The following NEGR1 variants were observed in gnomAD, a reference collection of about 807,000 sequenced individuals.
The protein encoded by NEGR1 is IgLON family member 4.
In NEGR1, 10 loss-of-function variants were observed where a neutral mutation model predicts 40.9. The ratio of observed to expected loss-of-function variants is 0.24; its 90% CI spans 0.15 to 0.42. The LOEUF is 0.42. Ranked by LOEUF, NEGR1 falls within the 10% of genes least tolerant of loss-of-function variation. NEGR1 has a pLI of 1.00. For synonymous variants in NEGR1, 185 were observed against 166.8 expected, an observed-to-expected ratio of 1.11 and a Z score of -0.84; for missense variants, 352 against 438.9, an observed-to-expected ratio of 0.80 and a Z score of 1.77.
intron 2 of NEGR1, among the ~76,000 whole-genome samples, chr1:71,857,993 G>C (rs1275856454): frequency 6.6e-6 from 1 of 151,896 alleles, no homozygotes; most frequent in Non-Finnish European, 1.5e-5. Flanking sequence ...AATTTGGCAG[G>C]CTTCACTTTT....
At chr1:72,232,055 T>C (rs1480467550) in intron 1 of NEGR1, among the ~76,000 whole-genome samples, 2 of 152,036 alleles carry the variant, frequency 1.3e-5, no homozygotes, top group Non-Finnish European at 2.9e-5. Context: ...CTTGGAATCT[T>C]TATTTTAAGA....
At chr1:72,213,474 A>T (rs1303994468) in intron 1 of NEGR1, among the ~76,000 whole-genome samples, 1 of 152,008 alleles carries the variant, frequency 6.6e-6, no homozygotes, top group Non-Finnish European at 1.5e-5. Context: ...ACATTCATCC[A>T]GGTAATTTAT....
intron 6 of NEGR1, among the ~76,000 whole-genome samples, chr1:71,418,075 CTT>C (rs34107424): frequency 1.4e-5 from 2 of 140,488 alleles, no homozygotes; most frequent in African/African-American, 2.6e-5. Context: ...CCAGGGTACA[CTT>C]TTTTTTTTTT....
At chr1:71,552,580 T>A (rs970238677) in intron 6 of NEGR1, among the ~76,000 whole-genome samples, 4 of 148,406 alleles carry the variant, frequency 2.7e-5, no homozygotes, top group African/African-American at 9.8e-5. Flanking sequence ...ATTCTCTGTA[T>A]ATATAGAATA....
chr1:72,113,116 T>C (rs891178709), intron 1 of NEGR1, among the ~76,000 whole-genome samples: 4 of 151,740 alleles, frequency 2.6e-5, no homozygotes, highest in East Asian at 1.9e-4. Flanking sequence ...ACCTGACACA[T>C]AGAAGCACAG....
At chr1:71,861,458 C>A (rs1160787676) in intron 2 of NEGR1, among the ~76,000 whole-genome samples, 2 of 151,952 alleles carry the variant, frequency 1.3e-5, no homozygotes, top group African/African-American at 2.4e-5. Flanking sequence ...ATATGCACTG[C>A]AAACAACTAA....
chr1:71,917,300 C>T (rs1278744955), intron 2 of NEGR1, among the ~76,000 whole-genome samples: 2 of 152,112 alleles, frequency 1.3e-5, no homozygotes, highest in Admixed American at 1.3e-4. Flanking sequence ...CTGACCTCTT[C>T]ATTTATCTTG....
chr1:71,564,442 C>T (rs997675615), intron 6 of NEGR1, among the ~76,000 whole-genome samples: 1 of 152,046 alleles, frequency 6.6e-6, no homozygotes, highest in African/African-American at 2.4e-5. Context: ...TCTTTTCTTA[C>T]ATTTATTTTT....
intron 1 of NEGR1, among the ~76,000 whole-genome samples, chr1:72,107,766 C>T (rs778142909): frequency 2.1e-4 from 31 of 150,750 alleles, no homozygotes; most frequent in Non-Finnish European, 3.0e-4. Context: ...GTACACCATA[C>T]GTACATCCAC....
At chr1:71,551,577 A>C (rs992512137) in intron 6 of NEGR1, among the ~76,000 whole-genome samples, 1 of 151,666 alleles carries the variant, frequency 6.6e-6, no homozygotes, top group African/African-American at 2.4e-5. Flanking sequence ...AGACAGCTAT[A>C]CAATGAAAAA....
chr1:71,668,446 C>T (rs893541472), intron 4 of NEGR1, among the ~76,000 whole-genome samples: 3 of 152,060 alleles, frequency 2.0e-5, no homozygotes, highest in Non-Finnish European at 4.4e-5. Context: ...GATGAGCAAA[C>T]AGGAGAATTA....
At chr1:72,239,392 C>A (rs1202313041) in intron 1 of NEGR1, among the ~76,000 whole-genome samples, 2 of 151,722 alleles carry the variant, frequency 1.3e-5, no homozygotes, top group Non-Finnish European at 2.9e-5. Context: ...AACCACTGTG[C>A]TGATTTTGTT....
chr1:71,450,361 G>C (rs1170183908), intron 6 of NEGR1, among the ~76,000 whole-genome samples: 1 of 150,864 alleles, frequency 6.6e-6, no homozygotes, highest in Non-Finnish European at 1.5e-5. Flanking sequence ...GCACAGCAAT[G>C]TGCAGTATTA....
intron 4 of NEGR1, among the ~76,000 whole-genome samples, chr1:71,669,472 A>C (rs1170322160): frequency 1.3e-5 from 2 of 151,718 alleles, no homozygotes; most frequent in Non-Finnish European, 2.9e-5. Context: ...TAACTTTTTT[A>C]GTTTAGAATA....
Position 71,822,357 on chromosome 1 carries a change from A to G in NEGR1, c.410-46060T>C, listed in dbSNP as rs76295083. Among the ~76,000 whole-genome samples, 411 of 152,128 alleles carry G rather than the reference A, an allele frequency of 2.7e-3. 3 individuals are homozygous for G. The highest frequency in any genetic ancestry group is 9.6e-3 in the African/African-American group (398 of 41,548). ...ATAGAACACCTGCAATGAAAGAGGC[A>G]TTTAACAACCAAGTGGACAAAATGA... is the stretch of plus-strand genomic sequence containing the variant. On this transcript the variant is annotated intron_variant, in intron 2 of 6. Transcript: ENST00000357731.
chr1:71,402,293 A>T lies in NEGR1; in HGVS notation c.*5153T>A, dbSNP rs140504324. 26 of 152,312 alleles carry T rather than the reference A, an allele frequency of 1.7e-4. No individual in the cohort carries two copies. Among genetic ancestry groups the T allele is most frequent in the African/African-American group, 5.5e-4 (23 of 41,578 alleles). 9.4% of individuals were successfully genotyped at this position (152,312 alleles called of 1,614,324 possible). A position where few individuals can be genotyped will look rare whatever the true frequency, so the allele number is the denominator to read the frequency against. On this transcript the variant is annotated 3_prime_UTR_variant, in exon 7 of 7. Coordinates refer to ENST00000357731, the MANE Select transcript of NEGR1 (RefSeq NM_173808.3). Reference sequence around the variant, plus strand: ...AGAAAGCCACAATAGCAACACTTGCAAAAGTGCTCCATTGTAAAATGCAAA... The same window carrying T: ...AGAAAGCCACAATAGCAACACTTGCTAAAGTGCTCCATTGTAAAATGCAAA...
At chr1:72,190,842 A>C (rs1652795037) in intron 1 of NEGR1, among the ~76,000 whole-genome samples, 1 of 151,634 alleles carries the variant, frequency 6.6e-6, no homozygotes, top group South Asian at 2.1e-4. Flanking sequence ...ATATGTATGC[A>C]AAAATTAACT....
chr1:71,999,678 T>TATATATATATAC lies in NEGR1; in HGVS notation c.177-64368_177-64367insGTATATATATAT, dbSNP rs1457710237. ...ATATATATATATATATATATATATA[T>TATATATATATAC]ACATACATATTTTTGTCCGGTCTCG... On this transcript the variant is annotated intron_variant, in intron 1 of 6. Coordinates refer to ENST00000357731, the MANE Select transcript of NEGR1 (RefSeq NM_173808.3). 2.6e-3 allele frequency among the ~76,000 whole-genome samples: 131 copies of TATATATATATAC among 49,838 alleles called. 8 individuals are homozygous for TATATATATATAC. Among genetic ancestry groups the TATATATATATAC allele is most frequent in the Non-Finnish European group, 4.5e-3 (109 of 24,442 alleles). The allele number at this position is 49,838 out of a possible 152,430, so 32.7% of individuals were successfully genotyped here.
intron 1 of NEGR1, among the ~76,000 whole-genome samples, chr1:72,178,689 G>A (rs941215830): frequency 6.7e-6 from 1 of 149,148 alleles, no homozygotes; most frequent in Non-Finnish European, 1.5e-5. Context: ...GCCAGCGTCT[G>A]TTTTTTTTTG....
Sources: allele counts gnomAD v4.1 joint callset (sites outside exome capture counted in the v4.1 genomes callset), GRCh38; gene constraint gnomAD v4.1.1; transcripts MANE v1.5; gene names NCBI Gene and HGNC (gene_info 2026-07-23, HGNC 2026-07-21).